The following IPCEF1 variants were observed in gnomAD, a reference collection of about 807,000 sequenced individuals.
IPCEF1 encodes the protein interaction protein for cytohesin exchange factors 1.
Under a neutral mutation model 50.9 loss-of-function variants are expected in IPCEF1, and 31 were observed. The observed-to-expected ratio is 0.61, with a 90% confidence interval of 0.46 to 0.82. The LOEUF (loss-of-function observed/expected upper bound fraction) is 0.82. IPCEF1 is among the 40% of genes least tolerant of loss of function. The pLI, the probability that IPCEF1 is intolerant of heterozygous loss-of-function variation, is 0.00. For synonymous variants in IPCEF1, 181 were observed against 192.0 expected (o/e 0.94, Z 0.47); for missense variants, 458 against 514.0 (o/e 0.89, Z 1.05).
At chr6:154,354,575 C>T (rs1415337443) in intron 1 of IPCEF1, among the ~76,000 whole-genome samples, 3 of 151,808 alleles carry the variant, frequency 2.0e-5, no homozygotes, top group Non-Finnish European at 4.4e-5. Flanking sequence ...TCCACAACCA[C>T]CTCTACCATC....
intron 1 of IPCEF1, among the ~76,000 whole-genome samples, chr6:154,340,026 C>T (rs1454567551): frequency 1.3e-5 from 2 of 152,048 alleles, no homozygotes; most frequent in Admixed American, 6.6e-5. Context: ...GATGGGTGCT[C>T]AACATATTGC....
intron 5 of IPCEF1, among the ~76,000 whole-genome samples, chr6:154,236,591 C>T (rs1469278142): frequency 2.0e-5 from 3 of 152,278 alleles, no homozygotes; most frequent in African/African-American, 7.2e-5. Context: ...ACTCTGAAAT[C>T]GTTATTTGTC....
At chr6:154,250,548 T>C (rs1562566796) in intron 3 of IPCEF1, among the ~76,000 whole-genome samples, 1 of 152,234 alleles carries the variant, frequency 6.6e-6, no homozygotes, top group Non-Finnish European at 1.5e-5. Context: ...AAAAACTTCA[T>C]TTGGCCACGA....
chr6:154,160,151 C>G (rs1798888168), intron 11 of IPCEF1, 111 bp from the exon 12 acceptor site: 1 of 792,422 alleles, frequency 1.3e-6, no homozygotes, highest in Admixed American at 3.1e-5. Flanking sequence ...ATTACCAAAG[C>G]ATTTTTGCAC....
At chr6:154,271,353 T>C (rs1781897656) in intron 2 of IPCEF1, among the ~76,000 whole-genome samples, 1 of 151,774 alleles carries the variant, frequency 6.6e-6, no homozygotes, top group Admixed American at 6.6e-5. Flanking sequence ...GGATCCTGTC[T>C]CTTAAAGAAA....
intron 10 of IPCEF1, among the ~76,000 whole-genome samples, chr6:154,190,421 C>T (rs1801766774): frequency 6.6e-6 from 1 of 152,178 alleles, no homozygotes; most frequent in South Asian, 2.1e-4. Context: ...TGCTCAACAT[C>T]ATGAGTCATT....
chr6:154,307,405 G>C (rs1782963358), intron 1 of IPCEF1, among the ~76,000 whole-genome samples: 1 of 152,190 alleles, frequency 6.6e-6, no homozygotes, highest in African/African-American at 2.4e-5. Flanking sequence ...GGCTTCCCCA[G>C]CCACATGCAA....
At chr6:154,169,345 A>C (rs1227105648) in intron 10 of IPCEF1, among the ~76,000 whole-genome samples, 1 of 152,136 alleles carries the variant, frequency 6.6e-6, no homozygotes, top group East Asian at 1.9e-4. Flanking sequence ...TGGGCTACAG[A>C]GTGAGACTCT....
Position 154,261,009 on chromosome 6 carries a change from C to T in IPCEF1, c.36+4903G>A, listed in dbSNP as rs561170041. 2.0e-5 allele frequency among the ~76,000 whole-genome samples: 3 copies of T among 152,022 alleles called. No homozygotes were observed. In the South Asian group the frequency reaches 6.2e-4, roughly 32 times the overall value. On this transcript the variant is annotated intron_variant, in intron 3 of 11. Coordinates refer to ENST00000367220, the MANE Select transcript of IPCEF1 (RefSeq NM_001130700.2). Reference sequence around the variant, plus strand: ...ATCTAGTAACTATATTGAAGATTTCCCAACACACAATGAGCCAGATTCTAA... The same window carrying T: ...ATCTAGTAACTATATTGAAGATTTCTCAACACACAATGAGCCAGATTCTAA...
intron 2 of IPCEF1, among the ~76,000 whole-genome samples, chr6:154,282,042 G>C (rs1250988110): frequency 1.3e-5 from 2 of 151,932 alleles, no homozygotes; most frequent in Non-Finnish European, 2.9e-5. Flanking sequence ...GATGGCACAT[G>C]TCTGTAATCC....
chr6:154,261,878 C>T (rs1419212008), intron 3 of IPCEF1, among the ~76,000 whole-genome samples: 3 of 152,118 alleles, frequency 2.0e-5, no homozygotes, highest in African/African-American at 7.2e-5. Flanking sequence ...GCAGTTTGTT[C>T]AACCCATATA....
intron 5 of IPCEF1, among the ~76,000 whole-genome samples, chr6:154,224,412 G>C (rs1435864172): frequency 8.6e-5 from 13 of 152,036 alleles, no homozygotes; most frequent in Admixed American, 3.9e-4. Flanking sequence ...CCTCTTATAA[G>C]ATTCAAAACT....
At chr6:154,351,214 C>A (rs1292594926) in intron 1 of IPCEF1, among the ~76,000 whole-genome samples, 3 of 152,162 alleles carry the variant, frequency 2.0e-5, no homozygotes, top group Non-Finnish European at 4.4e-5. Flanking sequence ...CAATGATACT[C>A]AAAATGGAAA....
At chr6:154,162,077 G>A (rs1027575949) in intron 11 of IPCEF1, among the ~76,000 whole-genome samples, 2 of 152,160 alleles carry the variant, frequency 1.3e-5, no homozygotes, top group Non-Finnish European at 1.5e-5. Context: ...GAACTACATG[G>A]ATGCAAATCT....
At chr6:154,216,616 T>C (rs1778414953) in intron 7 of IPCEF1, among the ~76,000 whole-genome samples, 1 of 152,182 alleles carries the variant, frequency 6.6e-6, no homozygotes, top group Non-Finnish European at 1.5e-5. Context: ...ACACCTGTAA[T>C]CCCAGCACTT....
At chr6:154,346,861 T>G (rs1784040279) in intron 1 of IPCEF1, among the ~76,000 whole-genome samples, 1 of 152,230 alleles carries the variant, frequency 6.6e-6, no homozygotes, top group East Asian at 1.9e-4. Context: ...TGGATTACAG[T>G]TCAACGTAAG....
chr6:154,198,569 A>G (rs34516891), intron 10 of IPCEF1, among the ~76,000 whole-genome samples: 8,341 of 152,002 alleles, frequency 0.055, 274 homozygotes, highest in Non-Finnish European at 0.062. Flanking sequence ...GACAACTGTT[A>G]TAACTTGGAG....
chr6:154,258,550 T>C (rs1781516623), intron 3 of IPCEF1, among the ~76,000 whole-genome samples: 1 of 152,238 alleles, frequency 6.6e-6, no homozygotes, highest in Non-Finnish European at 1.5e-5. Flanking sequence ...ACCCAGAGCC[T>C]GTGAGTAATC....
At chr6:154,306,061 A>T (rs904521450) in intron 1 of IPCEF1, among the ~76,000 whole-genome samples, 4 of 152,114 alleles carry the variant, frequency 2.6e-5, no homozygotes, top group Non-Finnish European at 4.4e-5. Context: ...CCTCCCTTTC[A>T]TATAGACATA....
Sources: gnomAD v4.1 joint callset for allele counts (sites outside exome capture counted in the v4.1 genomes callset) on GRCh38, gnomAD v4.1.1 for gene constraint, MANE v1.5 for transcripts, NCBI Gene and HGNC (gene_info 2026-07-23, HGNC 2026-07-21) for gene names.